The following R3HDM1 variants were observed in gnomAD, a reference collection of about 807,000 sequenced individuals.
The protein encoded by R3HDM1 is R3H domain containing 1, also known as R3H domain-containing protein 1.
R3HDM1 carries 46 observed loss-of-function variants against 141.1 expected under a neutral mutation model. The observed-to-expected ratio is 0.33, with a 90% confidence interval of 0.26 to 0.42. The LOEUF (loss-of-function observed/expected upper bound fraction) is 0.42. R3HDM1 is among the 10% of genes least tolerant of loss of function. R3HDM1 has a pLI of 1.00. For synonymous variants in R3HDM1, 435 were observed against 472.9 expected (o/e 0.92, Z 1.04); for missense variants, 1,184 against 1,368.3 (o/e 0.87, Z 2.12).
At chr2:135,665,257 C>T (rs1034207057) in intron 19 of R3HDM1, 3 of 326,324 alleles carry the variant, frequency 9.2e-6, no homozygotes, top group Non-Finnish European at 1.9e-5. Context: ...AAACTTTCTG[C>T]AGGTAGTAAT....
At chr2:135,706,533 A>G (rs1352552928) in intron 21 of R3HDM1, among the ~76,000 whole-genome samples, 2 of 152,140 alleles carry the variant, frequency 1.3e-5, no homozygotes, top group Non-Finnish European at 2.9e-5. Flanking sequence ...GGCCTTACGC[A>G]GTGTTTGTGT....
intron 1 of R3HDM1, chr2:135,583,671 A>G (rs1179598787): frequency 2.9e-5 from 26 of 911,482 alleles, no homozygotes; most frequent in Non-Finnish European, 3.4e-5. Flanking sequence ...GCCCTTGGCT[A>G]TAGTAATCAT....
At chr2:135,533,754 C>G (rs1422273251) in intron 1 of R3HDM1, among the ~76,000 whole-genome samples, 2 of 152,128 alleles carry the variant, frequency 1.3e-5, no homozygotes, top group African/African-American at 4.8e-5. Flanking sequence ...TGGCGGGCAC[C>G]TGTAATCTCA....
At chr2:135,560,893 A>T (rs1207554002) in intron 1 of R3HDM1, among the ~76,000 whole-genome samples, 1 of 152,202 alleles carries the variant, frequency 6.6e-6, no homozygotes, top group Non-Finnish European at 1.5e-5. Flanking sequence ...AACTTAAAGC[A>T]TCCTGAGTCT....
intron 1 of R3HDM1, among the ~76,000 whole-genome samples, chr2:135,533,277 A>G (rs1040891787): frequency 6.6e-6 from 1 of 152,198 alleles, no homozygotes; most frequent in African/African-American, 2.4e-5. Context: ...ACATGGTCTC[A>G]AAAAAATAAA....
chr2:135,659,815 C>T lies in R3HDM1; in HGVS notation c.2029-1455C>T, dbSNP rs142984698. On this transcript the variant is annotated intron_variant, in intron 18 of 26. Transcript: ENST00000683871. ...CAATAACAGCCATTTATTATCATTA[C>T]CAAGTCTTATTTATATACTGTCTGC... Among the ~76,000 whole-genome samples the T allele has an allele frequency of 3.0e-3, 457 of 152,288 alleles. 3 individuals are homozygous for T. Among genetic ancestry groups the T allele is most frequent in the African/African-American group, 0.01 (426 of 41,568 alleles).
chr2:135,532,563 A>ATATT (rs1491397010), intron 1 of R3HDM1, among the ~76,000 whole-genome samples: 1 of 118,162 alleles, frequency 8.5e-6, no homozygotes. Context: ...AATTTTCTAA[A>ATATT]TATATATATA....
chr2:135,683,173 C>T (rs1011727445), intron 21 of R3HDM1, among the ~76,000 whole-genome samples: 2 of 152,096 alleles, frequency 1.3e-5, no homozygotes, highest in African/African-American at 2.4e-5. Context: ...ATGAGTTGTA[C>T]GTGAAGCAGG....
chr2:135,650,769 C>G, intron 17 of R3HDM1: 1 of 983,272 alleles, frequency 1.0e-6, no homozygotes, highest in African/African-American at 1.7e-5. Context: ...AGTCCTTTAT[C>G]TTCTCCATAG....
intron 1 of R3HDM1, among the ~76,000 whole-genome samples, chr2:135,592,823 G>A (rs1446896965): frequency 2.6e-5 from 4 of 151,778 alleles, no homozygotes; most frequent in East Asian, 1.9e-4. Flanking sequence ...TGGCGCTATC[G>A]TAGTGTACTG....
rs2074548654 is a variant in R3HDM1 at position 135,703,865 on chromosome 2, T to C, written c.2460-5568T>C. 2.6e-5 allele frequency among the ~76,000 whole-genome samples: 4 copies of C among 152,178 alleles called. No homozygotes were observed. The South Asian group carries it at 6.2e-4, about 24-fold the overall frequency. On this transcript the variant is annotated intron_variant, in intron 21 of 26. Coordinates refer to ENST00000683871, the MANE Select transcript of R3HDM1 (RefSeq NM_001378107.1). ...ATACCCTCACCACAAAAAATATATATAAAATGGAAATTACTATGACTTTGA... is the reference window on the plus strand; with the variant it reads ...ATACCCTCACCACAAAAAATATATACAAAATGGAAATTACTATGACTTTGA...
At chr2:135,585,336 C>G (rs1340735303) in intron 1 of R3HDM1, among the ~76,000 whole-genome samples, 2 of 152,096 alleles carry the variant, frequency 1.3e-5, no homozygotes, top group South Asian at 4.2e-4. Context: ...TTTATTAATC[C>G]GTAAGGTTGT....
At chr2:135,567,129 T>G (rs1161485305) in intron 1 of R3HDM1, among the ~76,000 whole-genome samples, 1 of 152,194 alleles carries the variant, frequency 6.6e-6, no homozygotes, top group Non-Finnish European at 1.5e-5. Flanking sequence ...TAATAGTGCT[T>G]GGGATACAGA....
chr2:135,724,016 C>T lies in R3HDM1; in HGVS notation c.3129C>T (p.Leu1043=), dbSNP rs774844171. ...RMEAEKLFGE[L]FKIGAKIRWL... is the part of the protein sequence containing the mutation. The stretch of plus-strand genomic sequence containing the variant: ...AAGCTGAAAAGCTTTTTGGGGAACT[C>T]TTTAAAATTGGCGCCAAGATCCGGT... The change falls in exon 27 of 27, where the codon CTC becomes CTT. Residue 1043 remains leucine, a synonymous_variant. Transcript: ENST00000683871. 5.6e-6 allele frequency: 9 copies of T among 1,613,906 alleles called. No homozygotes were observed. Among genetic ancestry groups the T allele is most frequent in the Non-Finnish European group, 6.8e-6 (8 of 1,180,018 alleles).
chr2:135,631,248 A>G (rs1402049191), intron 7 of R3HDM1, among the ~76,000 whole-genome samples: 2 of 152,140 alleles, frequency 1.3e-5, no homozygotes, highest in Non-Finnish European at 2.9e-5. Flanking sequence ...TCCTGAGCCT[A>G]ACTAAAGATG....
intron 1 of R3HDM1, among the ~76,000 whole-genome samples, chr2:135,594,385 G>A (rs957366395): frequency 6.6e-6 from 1 of 152,140 alleles, no homozygotes; most frequent in Non-Finnish European, 1.5e-5. Context: ...ATATAGCCAA[G>A]TAGCATCTGA....
chr2:135,639,933 C>G (rs1006565545), intron 14 of R3HDM1, among the ~76,000 whole-genome samples: 7 of 152,086 alleles, frequency 4.6e-5, no homozygotes, highest in African/African-American at 1.7e-4. Context: ...CCCATCTCTA[C>G]TAAAAATATT....
intron 1 of R3HDM1, among the ~76,000 whole-genome samples, chr2:135,540,959 G>A (rs575843327): frequency 1.3e-5 from 2 of 152,284 alleles, no homozygotes; most frequent in African/African-American, 4.8e-5. Flanking sequence ...GGGTGACAAG[G>A]TAAATTATCA....
chr2:135,609,340 T>G (rs1343698244), intron 3 of R3HDM1, among the ~76,000 whole-genome samples: 1 of 152,228 alleles, frequency 6.6e-6, no homozygotes. Flanking sequence ...TCATAAAAAT[T>G]TCTTAATACT....
Sources: allele counts gnomAD v4.1 joint callset (sites outside exome capture counted in the v4.1 genomes callset), GRCh38; gene constraint gnomAD v4.1.1; transcripts MANE v1.5; gene names NCBI Gene and HGNC (gene_info 2026-07-23, HGNC 2026-07-21).